AGBL1: variants seen among roughly 807,000 people sequenced by gnomAD.
AGBL1 encodes AGBL carboxypeptidase 1.
In AGBL1, 130 loss-of-function variants were observed where a neutral mutation model predicts 118.9. The observed-to-expected ratio is 1.09, with a 90% CI of 0.95 to 1.26. The LOEUF (loss-of-function observed/expected upper bound fraction) is 1.26, where lower values mean the gene tolerates loss of function less well. Ranked by LOEUF, AGBL1 falls within the 50% of genes most tolerant of loss-of-function variation. The pLI, the probability that AGBL1 is intolerant of heterozygous loss-of-function variation, is 0.00. For synonymous variants in AGBL1, 555 were observed against 478.9 expected, an observed-to-expected ratio of 1.16 and a Z score of -2.08; for missense variants, 1,584 against 1,298.1, an observed-to-expected ratio of 1.22 and a Z score of -3.38.
chr15:86,803,846 G>A (rs1470587723), intron 22 of AGBL1, among the ~76,000 whole-genome samples: 1 of 152,088 alleles, frequency 6.6e-6, no homozygotes, highest in Non-Finnish European at 1.5e-5. Flanking sequence ...GATGCTTCTG[G>A]TATCTGTTGG....
intron 22 of AGBL1, among the ~76,000 whole-genome samples, chr15:86,741,392 A>AAAAAAAAAG (rs2077676433): frequency 1.3e-5 from 1 of 78,806 alleles, no homozygotes; most frequent in Non-Finnish European, 2.8e-5. Flanking sequence ...AAAAAAAAAA[A>AAAAAAAAAG]AAAAAAAAAA....
At chr15:87,007,936 T>C (rs1165504846) in intron 24 of AGBL1, among the ~76,000 whole-genome samples, 1 of 152,230 alleles carries the variant, frequency 6.6e-6, no homozygotes, top group Non-Finnish European at 1.5e-5. Context: ...ACTGAATCTC[T>C]GCAGCCTTTA....
In AGBL1 at chr15:86,097,784, A is replaced by G. The variant is rs1896472939; in HGVS notation, c.51+17761A>G. ...TTGGCTCTTGTGAATAAACATGGGGATGCAGGTATCTCTTTGATATATAGA... is the reference window on the plus strand; with the variant it reads ...TTGGCTCTTGTGAATAAACATGGGGGTGCAGGTATCTCTTTGATATATAGA... On this transcript the variant is annotated intron_variant, in intron 1 of 22. Coordinates refer to ENST00000614907, the MANE Select transcript of AGBL1 (RefSeq NM_001386094.1). 2.6e-5 allele frequency among the ~76,000 whole-genome samples: 4 copies of G among 152,050 alleles called. No individual in the cohort carries two copies. The South Asian group carries it at 6.2e-4, about 24-fold the overall frequency.
chr15:86,338,454 T>C (rs1595986553), intron 17 of AGBL1, among the ~76,000 whole-genome samples: 1 of 152,024 alleles, frequency 6.6e-6, no homozygotes, highest in Admixed American at 6.5e-5. Context: ...TGGCTTGAGG[T>C]AGAAGAGTGA....
At chr15:86,386,960 T>A (rs2081206142) in intron 17 of AGBL1, among the ~76,000 whole-genome samples, 1 of 152,134 alleles carries the variant, frequency 6.6e-6, no homozygotes, top group Admixed American at 6.5e-5. Context: ...ATGGAGGAGT[T>A]AATGACAGGA....
intron 5 of AGBL1, among the ~76,000 whole-genome samples, chr15:86,208,197 T>G (rs2078027293): frequency 6.6e-6 from 1 of 152,208 alleles, no homozygotes; most frequent in Non-Finnish European, 1.5e-5. Flanking sequence ...ATAAGCTTTT[T>G]GATGTGCTGC....
At chr15:86,595,577 C>T (rs2084393857) in intron 21 of AGBL1, among the ~76,000 whole-genome samples, 1 of 152,168 alleles carries the variant, frequency 6.6e-6, no homozygotes, top group South Asian at 2.1e-4. Context: ...TCTCCTCTCA[C>T]CCTCTCCTGT....
chr15:86,670,203 C>T (rs375825587), intron 21 of AGBL1, among the ~76,000 whole-genome samples: 10 of 152,144 alleles, frequency 6.6e-5, no homozygotes, highest in African/African-American at 2.4e-4. Context: ...GTTACCATGT[C>T]AAATGTTATG....
At chr15:86,558,742 C>T (rs1173914704) in intron 21 of AGBL1, among the ~76,000 whole-genome samples, 1 of 152,160 alleles carries the variant, frequency 6.6e-6, no homozygotes, top group Non-Finnish European at 1.5e-5. Flanking sequence ...CTCCCAGTGG[C>T]CCTTTATTCA....
At chr15:86,321,368 ACT>A (rs1272900823) in intron 17 of AGBL1, among the ~76,000 whole-genome samples, 1 of 152,016 alleles carries the variant, frequency 6.6e-6, no homozygotes, top group Admixed American at 6.6e-5. Flanking sequence ...ATTTAATCTG[ACT>A]TTTAACCTTG....
At chr15:86,635,685 A>G (rs1001679971) in intron 21 of AGBL1, among the ~76,000 whole-genome samples, 2 of 152,224 alleles carry the variant, frequency 1.3e-5, no homozygotes, top group South Asian at 4.2e-4. Flanking sequence ...GAGTTCCTCT[A>G]TAAGAAAAAG....
At chr15:86,577,309 C>T (rs531135577) in intron 21 of AGBL1, among the ~76,000 whole-genome samples, 1 of 152,062 alleles carries the variant, frequency 6.6e-6, no homozygotes, top group African/African-American at 2.4e-5. Context: ...ATTTGTGGAA[C>T]TTTCAACTTG....
chr15:87,017,549 A>G (rs118021288), intron 24 of AGBL1, among the ~76,000 whole-genome samples: 4,372 of 152,282 alleles, frequency 0.029, 88 homozygotes, highest in Middle Eastern at 0.058. Flanking sequence ...GCAGTCCTAC[A>G]GAAGAATAGC....
At chr15:86,809,180 G>A (rs2078757019) in intron 22 of AGBL1, among the ~76,000 whole-genome samples, 1 of 152,118 alleles carries the variant, frequency 6.6e-6, no homozygotes, top group Admixed American at 6.6e-5. Flanking sequence ...TCCAAGATCT[G>A]TTTCACTGAG....
At chr15:86,655,186 G>T (rs1284420313) in intron 21 of AGBL1, among the ~76,000 whole-genome samples, 1 of 152,106 alleles carries the variant, frequency 6.6e-6, no homozygotes, top group Admixed American at 6.6e-5. Context: ...AAAATTATTA[G>T]CAAGGAGGGA....
At chr15:86,662,344 A>G (rs906258516) in intron 21 of AGBL1, among the ~76,000 whole-genome samples, 1 of 152,202 alleles carries the variant, frequency 6.6e-6, no homozygotes, top group African/African-American at 2.4e-5. Context: ...ATCTCATTTA[A>G]TCTTTATAGA....
At chr15:86,331,286 T>G (rs1421384653) in intron 17 of AGBL1, among the ~76,000 whole-genome samples, 1 of 151,098 alleles carries the variant, frequency 6.6e-6, no homozygotes, top group Admixed American at 6.6e-5. Context: ...ACCAAATCTA[T>G]GAATTATTGG....
At chr15:86,645,595 AG>A (rs1055472236) in intron 21 of AGBL1, among the ~76,000 whole-genome samples, 3 of 152,138 alleles carry the variant, frequency 2.0e-5, no homozygotes, top group Non-Finnish European at 4.4e-5. Flanking sequence ...CCTTTTATGA[AG>A]GCCACAAGGA....
intron 22 of AGBL1, among the ~76,000 whole-genome samples, chr15:86,718,312 C>G (rs1244632386): frequency 6.6e-6 from 1 of 152,084 alleles, no homozygotes; most frequent in Non-Finnish European, 1.5e-5. Context: ...ACTGCATGTT[C>G]TCACTCATAG....
Sources: allele counts gnomAD v4.1 joint callset (sites outside exome capture counted in the v4.1 genomes callset), GRCh38; gene constraint gnomAD v4.1.1; transcripts MANE v1.5; gene names NCBI Gene and HGNC (gene_info 2026-07-23, HGNC 2026-07-21).